PLEKHA8: variants seen among roughly 807,000 people sequenced by gnomAD.
PLEKHA8 encodes pleckstrin homology domain containing A8.
A neutral mutation model predicts 68.2 loss-of-function variants in PLEKHA8; 36 were observed. The observed-to-expected ratio is 0.53, with a 90% CI of 0.40 to 0.70. The LOEUF (loss-of-function observed/expected upper bound fraction) is 0.70. Ranked by LOEUF, PLEKHA8 falls within the 30% of genes least tolerant of loss-of-function variation. PLEKHA8 has a pLI of 0.00. For synonymous variants in PLEKHA8, 211 were observed against 216.1 expected, an observed-to-expected ratio of 0.98 and a Z score of 0.20; for missense variants, 505 against 615.4, an observed-to-expected ratio of 0.82 and a Z score of 1.90.
At chr7:30,042,723 G>A (rs1389254067) in intron 1 of PLEKHA8, among the ~76,000 whole-genome samples, 1 of 152,146 alleles carries the variant, frequency 6.6e-6, no homozygotes, top group Non-Finnish European at 1.5e-5. Flanking sequence ...AAATGTGCTG[G>A]TTGGACTGTG....
chr7:30,041,514 G>A (rs1791534567), intron 1 of PLEKHA8, among the ~76,000 whole-genome samples: 1 of 150,206 alleles, frequency 6.7e-6, no homozygotes, highest in Non-Finnish European at 1.5e-5. Flanking sequence ...CGAACTCCTA[G>A]GCTCAAGCAG....
chr7:30,042,871 C>G (rs1473661402), intron 1 of PLEKHA8, among the ~76,000 whole-genome samples: 2 of 152,186 alleles, frequency 1.3e-5, no homozygotes, highest in Non-Finnish European at 2.9e-5. Context: ...ACTCCTGGAG[C>G]ACTGATTCTG....
chr7:30,035,713 C>T (rs888926335), intron 1 of PLEKHA8, among the ~76,000 whole-genome samples: 13 of 151,960 alleles, frequency 8.6e-5, no homozygotes, highest in African/African-American at 1.4e-4. Flanking sequence ...GGCACAATGT[C>T]GGCTCACTGC....
At chr7:30,052,561 G>GATT (rs1792500364) in intron 6 of PLEKHA8, 148 bp from the exon 7 acceptor site, 1 of 594,996 alleles carries the variant, frequency 1.7e-6, no homozygotes, top group African/African-American at 2.0e-5. Context: ...TAGGAGGATT[G>GATT]ATTGAGCCCA....
In PLEKHA8 at chr7:30,079,522, C is replaced by T; in HGVS notation, c.*735C>T. 1.0e-6 allele frequency: 1 copy of T among 964,302 alleles called. No individual in the cohort carries two copies. The highest frequency in any genetic ancestry group is 1.2e-6 in the Non-Finnish European group (1 of 810,768). 59.7% of individuals were successfully genotyped at this position (964,302 alleles called of 1,614,324 possible). The stretch of plus-strand genomic sequence containing the variant: ...CTCCCAACTGCCTACCATTTACCAG[C>T]ATGTTCCCCATGCATTATCTCAATT... On this transcript the variant is annotated 3_prime_UTR_variant, in exon 14 of 14. Transcript: ENST00000449726.
intron 7 of PLEKHA8, among the ~76,000 whole-genome samples, chr7:30,053,757 C>T (rs1332764938): frequency 1.3e-5 from 2 of 152,138 alleles, no homozygotes; most frequent in African/African-American, 2.4e-5. Flanking sequence ...AGTCAGTTCT[C>T]ATTATTTGCA....
At chr7:30,113,758 A>T (rs1332896927) in intron 13 of PLEKHA8, among the ~76,000 whole-genome samples, 1 of 152,020 alleles carries the variant, frequency 6.6e-6, no homozygotes, top group Non-Finnish European at 1.5e-5. Flanking sequence ...CCATCACTTC[A>T]TCATATTGCT....
intron 13 of PLEKHA8, among the ~76,000 whole-genome samples, chr7:30,108,090 A>AAAAAC (rs1796139364): frequency 6.7e-6 from 1 of 148,858 alleles, no homozygotes; most frequent in African/African-American, 2.5e-5. Flanking sequence ...AAAAAAAAAA[A>AAAAAC]AACCTACATT....
In PLEKHA8 at chr7:30,056,603, C is replaced by T. The variant is rs1792954236; in HGVS notation, c.1039+1261C>T. ...AATTAGCTGAGTGTGGTGGCGCGCA[C>T]CTGTAATCCCAGTTACTCAGGAGGC... On this transcript the variant is annotated intron_variant, in intron 9 of 13. Coordinates refer to ENST00000449726, the MANE Select transcript of PLEKHA8 (RefSeq NM_001197026.2). Among the ~76,000 whole-genome samples, 13 of 146,844 alleles carry T rather than the reference C, an allele frequency of 8.9e-5. No individual in the cohort carries two copies. The South Asian group carries it at 2.8e-3, about 31-fold the overall frequency.
At position 30,115,723 on chromosome 7, in the gene PLEKHA8, T is replaced by C. The variant is rs540467742; in HGVS notation, c.1363-13543T>C. ...ATACATGTATACATACGCGCATGCA[T>C]GCATACACGTATACATGTATACATA... is the stretch of plus-strand genomic sequence containing the variant. On this transcript the variant is annotated intron_variant, in intron 13 of 13. Transcript: ENST00000396257. 4.3e-5 allele frequency: 5 copies of C among 114,960 alleles called. No homozygotes were observed. In the South Asian group the frequency reaches 7.7e-4, roughly 18 times the overall value. The allele number at this position is 114,960 out of a possible 1,614,324, so 7.1% of individuals were successfully genotyped here.
intron 13 of PLEKHA8, among the ~76,000 whole-genome samples, chr7:30,111,028 C>G (rs776019680): frequency 6.6e-6 from 1 of 151,984 alleles, no homozygotes; most frequent in African/African-American, 2.4e-5. Flanking sequence ...CCTCAGCCCC[C>G]CGAGTAGCTG....
intron 12 of PLEKHA8, among the ~76,000 whole-genome samples, chr7:30,063,935 C>T (rs1027339971): frequency 2.0e-5 from 3 of 147,600 alleles, no homozygotes; most frequent in Non-Finnish European, 4.5e-5. Context: ...CCCATACATC[C>T]CTGAATTTCA....
At chr7:30,116,714 C>T (rs913392523) in intron 13 of PLEKHA8, among the ~76,000 whole-genome samples, 4 of 152,308 alleles carry the variant, frequency 2.6e-5, no homozygotes, top group Non-Finnish European at 5.9e-5. Context: ...TATTTCCGGT[C>T]TCCAATTTGC....
chr7:30,084,336 T>C lies in PLEKHA8; in HGVS notation c.*5549T>C. 7 of 985,414 alleles carry C rather than the reference T, an allele frequency of 7.1e-6. No individual in the cohort carries two copies. The highest frequency in any genetic ancestry group is 8.4e-6 in the Non-Finnish European group (7 of 829,878). 61.0% of individuals were successfully genotyped at this position (985,414 alleles called of 1,614,324 possible). On this transcript the variant is annotated 3_prime_UTR_variant, in exon 14 of 14. Transcript: ENST00000449726. The stretch of plus-strand genomic sequence containing the variant: ...TCACGTGCAGTGTTAATGTTACCTG[T>C]TCTTGTCTCTCAGCATTTTGAATGA...
At chr7:30,126,579 G>A (rs1276426624) in intron 13 of PLEKHA8, among the ~76,000 whole-genome samples, 6 of 152,148 alleles carry the variant, frequency 3.9e-5, no homozygotes, top group Admixed American at 3.9e-4. Flanking sequence ...ATAAAATTTA[G>A]TAGACTACTT....
intron 13 of PLEKHA8, among the ~76,000 whole-genome samples, chr7:30,127,050 G>A (rs189484335): frequency 1.5e-4 from 23 of 152,320 alleles, no homozygotes; most frequent in African/African-American, 5.1e-4. Flanking sequence ...TCATGGCAAC[G>A]TAGTTTTATG....
chr7:30,090,313 G>A (rs1036808898), exon 13 of PLEKHA8: 9 of 1,053,168 alleles, frequency 8.5e-6, no homozygotes, highest in Non-Finnish European at 1.1e-5. Flanking sequence ...AACAATGGGG[G>A]AGTATTTCCG....
intron 13 of PLEKHA8, among the ~76,000 whole-genome samples, chr7:30,108,083 A>AAAAAAAACAAAAAC (rs1796136883): frequency 2.1e-5 from 3 of 144,460 alleles, no homozygotes; most frequent in Non-Finnish European, 4.6e-5. Flanking sequence ...AAAAAAAAAA[A>AAAAAAAACAAAAAC]AAAAAAAAAC....
At chr7:30,109,586 C>CAAAAAA (rs1166200858) in intron 13 of PLEKHA8, among the ~76,000 whole-genome samples, 3 of 41,606 alleles carry the variant, frequency 7.2e-5, no homozygotes, top group African/African-American at 2.5e-4. Flanking sequence ...AACTCTGTCT[C>CAAAAAA]AAAAAAAAAA....
Sources: gnomAD v4.1 joint callset for allele counts (sites outside exome capture counted in the v4.1 genomes callset) on GRCh38, gnomAD v4.1.1 for gene constraint, MANE v1.5 for transcripts, NCBI Gene and HGNC (gene_info 2026-07-23, HGNC 2026-07-21) for gene names.